The following AUTS2 variants were observed in gnomAD, a reference collection of about 807,000 sequenced individuals.
The protein encoded by AUTS2 is activator of transcription and developmental regulator AUTS2, also known as autism susceptibility gene 2 protein.
A neutral mutation model predicts 112.4 loss-of-function variants in AUTS2; 17 were observed. That is an observed-to-expected ratio of 0.15 (90% CI 0.10 to 0.23). AUTS2 has a LOEUF of 0.23. AUTS2 is among the 10% of genes least tolerant of loss of function. AUTS2 has a pLI of 1.00. For synonymous variants in AUTS2, 751 were observed against 702.7 expected, an observed-to-expected ratio of 1.07 and a Z score of -1.09; for missense variants, 1,510 against 1,701.6, an observed-to-expected ratio of 0.89 and a Z score of 1.98.
chr7:70,180,228 ATG>A (rs1584841427), intron 4 of AUTS2, among the ~76,000 whole-genome samples: 1 of 152,208 alleles, frequency 6.6e-6, no homozygotes, highest in Non-Finnish European at 1.5e-5. Flanking sequence ...TGAAAGGTTG[ATG>A]TGTGTTTTTA....
chr7:69,897,972 A>T (rs575461812), intron 1 of AUTS2, among the ~76,000 whole-genome samples: 15 of 152,268 alleles, frequency 9.9e-5, no homozygotes, highest in African/African-American at 3.6e-4. Flanking sequence ...GTAAAAGGAA[A>T]TTTCTATTTT....
intron 4 of AUTS2, among the ~76,000 whole-genome samples, chr7:70,197,060 G>A (rs1467220268): frequency 6.6e-6 from 1 of 152,168 alleles, no homozygotes; most frequent in African/African-American, 2.4e-5. Context: ...TTGTGTTTGT[G>A]TGTATACATA....
At chr7:69,785,842 G>T (rs1474502934) in intron 1 of AUTS2, among the ~76,000 whole-genome samples, 1 of 152,064 alleles carries the variant, frequency 6.6e-6, no homozygotes, top group Non-Finnish European at 1.5e-5. Context: ...GTTGTTGTTT[G>T]TTTTTGAGAT....
chr7:70,338,595 A>T (rs1453076189), intron 4 of AUTS2, among the ~76,000 whole-genome samples: 1 of 152,206 alleles, frequency 6.6e-6, no homozygotes. Context: ...GCCCAGAAGA[A>T]ATTCAATGAT....
At chr7:70,407,986 A>C (rs1794611351) in intron 4 of AUTS2, among the ~76,000 whole-genome samples, 1 of 151,316 alleles carries the variant, frequency 6.6e-6, no homozygotes, top group Admixed American at 6.6e-5. Flanking sequence ...CCCGGGCGGC[A>C]GAGCTTGCAG....
chr7:70,326,917 CTTT>C (rs552893729), intron 4 of AUTS2, among the ~76,000 whole-genome samples: 1 of 120,680 alleles, frequency 8.3e-6, no homozygotes, highest in Admixed American at 9.6e-5. Context: ...ATGCTTGGTT[CTTT>C]TTTTTTTTTT....
chr7:70,732,010 G>A (rs1046115835), intron 6 of AUTS2, among the ~76,000 whole-genome samples: 1 of 152,048 alleles, frequency 6.6e-6, no homozygotes, highest in African/African-American at 2.4e-5. Context: ...GATTCCAGGT[G>A]ACAAAATGTC....
intron 2 of AUTS2, among the ~76,000 whole-genome samples, chr7:69,965,229 A>G (rs745748918): frequency 2.0e-4 from 30 of 152,146 alleles, no homozygotes; most frequent in Admixed American, 3.9e-4. Flanking sequence ...GGAAACATTA[A>G]TACAAAACTT....
chr7:70,559,259 T>C (rs544078076), intron 5 of AUTS2, among the ~76,000 whole-genome samples: 1 of 152,302 alleles, frequency 6.6e-6, no homozygotes, highest in African/African-American at 2.4e-5. Flanking sequence ...TTACCCAATC[T>C]TGAGTGTATC....
At chr7:70,415,832 G>T (rs553314293) in intron 4 of AUTS2, among the ~76,000 whole-genome samples, 2 of 152,348 alleles carry the variant, frequency 1.3e-5, no homozygotes, top group East Asian at 3.9e-4. Context: ...TGGGGCATTT[G>T]TGTGCACGCA....
At chr7:69,876,349 A>AATATATATATATATAT (rs61416382) in intron 1 of AUTS2, among the ~76,000 whole-genome samples, 8 of 29,494 alleles carry the variant, frequency 2.7e-4, no homozygotes, top group East Asian at 1.6e-3. Flanking sequence ...AAAAAAAAAA[A>AATATATATATATATAT]ATATATATAT....
intron 2 of AUTS2, among the ~76,000 whole-genome samples, chr7:69,961,198 C>T (rs982889171): frequency 2.0e-5 from 3 of 152,116 alleles, no homozygotes; most frequent in African/African-American, 7.2e-5. Context: ...TCCACAGAGT[C>T]TTGAATGTAA....
chr7:69,656,113 G>C (rs1358620208), intron 1 of AUTS2, among the ~76,000 whole-genome samples: 2 of 152,204 alleles, frequency 1.3e-5, no homozygotes, highest in Non-Finnish European at 2.9e-5. Flanking sequence ...CCTGCCTCCA[G>C]CTATCTTGGC....
chr7:70,483,804 A>AT (rs1797881360), intron 5 of AUTS2, among the ~76,000 whole-genome samples: 1 of 101,158 alleles, frequency 9.9e-6, no homozygotes, highest in African/African-American at 5.4e-5. Flanking sequence ...AAAAGGAGAA[A>AT]GAAAAAAAAA....
At chr7:70,128,421 C>T (rs147277979) in intron 3 of AUTS2, among the ~76,000 whole-genome samples, 97 of 152,112 alleles carry the variant, frequency 6.4e-4, no homozygotes, top group Admixed American at 2.0e-3. Context: ...ATATGAAGGG[C>T]GGGAGTTTGT....
intron 1 of AUTS2, among the ~76,000 whole-genome samples, chr7:69,601,328 A>C (rs971084593): frequency 6.6e-6 from 1 of 151,672 alleles, no homozygotes; most frequent in Non-Finnish European, 1.5e-5. Context: ...GTATTGTTTC[A>C]CATGCTCAGA....
At chr7:70,081,387 T>TAAAAAAAAAAA in intron 2 of AUTS2, among the ~76,000 whole-genome samples, 1 of 88,950 alleles carries the variant, frequency 1.1e-5, no homozygotes, top group African/African-American at 4.3e-5. Context: ...CCCGTCTCTA[T>TAAAAAAAAAAA]AAAAAAAAAA....
At chr7:70,554,836 A>G (rs1313482903) in intron 5 of AUTS2, among the ~76,000 whole-genome samples, 1 of 152,228 alleles carries the variant, frequency 6.6e-6, no homozygotes, top group Non-Finnish European at 1.5e-5. Context: ...GTGGCAGTCC[A>G]GATGGACAGT....
chr7:69,962,312 T>C (rs529838935), intron 2 of AUTS2, among the ~76,000 whole-genome samples: 1 of 152,288 alleles, frequency 6.6e-6, no homozygotes, highest in African/African-American at 2.4e-5. Flanking sequence ...TGCTAGGCCC[T>C]GTACCTCTTA....
Sources: gnomAD v4.1 joint callset for allele counts (sites outside exome capture counted in the v4.1 genomes callset) on GRCh38, gnomAD v4.1.1 for gene constraint, MANE v1.5 for transcripts, NCBI Gene and HGNC (gene_info 2026-07-23, HGNC 2026-07-21) for gene names.